The following SLC12A3 variants were observed in gnomAD, a reference collection of about 807,000 sequenced individuals.
SLC12A3 encodes solute carrier family 12 member 3.
Under a neutral mutation model 121.0 loss-of-function variants are expected in SLC12A3, and 104 were observed. The ratio of observed to expected loss-of-function variants is 0.86; its 90% CI spans 0.73 to 1.01. SLC12A3 has a LOEUF of 1.01. SLC12A3 is among the 50% of genes least tolerant of loss of function. The probability of loss-of-function intolerance (pLI) is 0.00; values close to 1 mark genes in which losing one functional copy is unlikely to be tolerated. For synonymous variants in SLC12A3, 536 were observed against 533.4 expected (o/e 1.00, Z -0.07); for missense variants, 1,328 against 1,356.3 (o/e 0.98, Z 0.33).
At chr16:56,870,002 C>T in intron 4 of SLC12A3, 94 bp from the exon 5 acceptor site, 7 of 1,527,982 alleles carry the variant, frequency 4.6e-6, no homozygotes, top group Non-Finnish European at 6.3e-6. Flanking sequence ...CCCCGTGGGT[C>T]CTGTGGCCAC....
intron 22 of SLC12A3, among the ~76,000 whole-genome samples, chr16:56,897,868 T>C (rs959684008): frequency 1.6e-4 from 25 of 152,340 alleles, no homozygotes; most frequent in African/African-American, 6.0e-4. Flanking sequence ...CCTGCCAGCC[T>C]CCGCTGCTAC....
chr16:56,873,370 CTTTCTTTT>C (rs1567429392), intron 8 of SLC12A3, among the ~76,000 whole-genome samples: 3 of 96,898 alleles, frequency 3.1e-5, no homozygotes, highest in Non-Finnish European at 4.1e-5. Context: ...GTTTCTCTTT[CTTTCTTTT>C]TTTTTTTTTT....
At chr16:56,880,988 T>TA (rs2144716191) in intron 12 of SLC12A3, among the ~76,000 whole-genome samples, 1 of 152,336 alleles carries the variant, frequency 6.6e-6, no homozygotes, top group Non-Finnish European at 1.5e-5. Context: ...TGTGCACACA[T>TA]ACTCACATGT....
At position 56,872,289 on chromosome 16, in the gene SLC12A3, C is replaced by T. The variant is rs1028132944; in HGVS notation, c.853-62C>T. ...GGGCCCTGGGCAAATCATTTTCTGG[C>T]GGGGCTTCCCAGAGAGGTAGAACAA... On this transcript the variant is annotated intron_variant, in intron 6 of 25. Coordinates refer to ENST00000563236, the MANE Select transcript of SLC12A3 (RefSeq NM_001126108.2). 6.2e-5 allele frequency: 73 copies of T among 1,172,998 alleles called. No homozygotes were observed. In the African/African-American group the frequency reaches 8.7e-4, roughly 14 times the overall value. 72.7% of individuals were successfully genotyped at this position (1,172,998 alleles called of 1,614,324 possible).
chr16:56,900,320 G>A (rs2055520661), intron 23 of SLC12A3, among the ~76,000 whole-genome samples: 1 of 152,126 alleles, frequency 6.6e-6, no homozygotes, highest in Admixed American at 6.6e-5. Context: ...TCCAAGCATG[G>A]CTGCAGGCTG....
At chr16:56,911,731 A>C (rs1160935238) in intron 25 of SLC12A3, among the ~76,000 whole-genome samples, 3 of 152,134 alleles carry the variant, frequency 2.0e-5, no homozygotes, top group African/African-American at 7.2e-5. Flanking sequence ...TTCTCAGAGG[A>C]GGTTGGAGTT....
intron 8 of SLC12A3, among the ~76,000 whole-genome samples, chr16:56,875,136 C>G (rs567120499): frequency 2.6e-5 from 3 of 114,962 alleles, no homozygotes; most frequent in Admixed American, 2.6e-4. Context: ...GGATGAGGCC[C>G]GCGCGCCTGC....
intron 1 of SLC12A3, 109 bp from the exon 2 acceptor site, chr16:56,866,961 G>A (rs1964368674): frequency 6.9e-7 from 1 of 1,457,058 alleles, no homozygotes. Context: ...GGGCTGAGGG[G>A]TCGGGGGGTG....
intron 12 of SLC12A3, among the ~76,000 whole-genome samples, chr16:56,881,947 G>A (rs565064342): frequency 6.6e-5 from 10 of 151,938 alleles, no homozygotes; most frequent in Admixed American, 6.6e-5. Context: ...TACTAGGGAG[G>A]CTGAGGCAGG....
intron 16 of SLC12A3, among the ~76,000 whole-genome samples, chr16:56,886,698 G>C (rs2055316923): frequency 6.6e-6 from 1 of 152,042 alleles, no homozygotes; most frequent in African/African-American, 2.4e-5. Context: ...ACCCCCCATG[G>C]ACCCCATTCT....
At chr16:56,896,934 A>G (rs2055469426) in intron 22 of SLC12A3, among the ~76,000 whole-genome samples, 1 of 152,032 alleles carries the variant, frequency 6.6e-6, no homozygotes, top group Admixed American at 6.6e-5. Flanking sequence ...TCTACTAAAA[A>G]TACAAAAATT....
At chr16:56,884,317 G>A in intron 14 of SLC12A3, 113 bp downstream of exon 14, 3 of 997,406 alleles carry the variant, frequency 3.0e-6, no homozygotes, top group East Asian at 5.0e-5. Context: ...GCTGTCCAGG[G>A]CCCCTCTCTG....
intron 17 of SLC12A3, 121 bp from the exon 18 acceptor site, chr16:56,887,794 ATATATTTTTT>A (rs1160987582): frequency 1.4e-4 from 14 of 102,690 alleles, no homozygotes; most frequent in Admixed American, 6.8e-4. Context: ...ATATATATAT[ATATATTTTTT>A]TTTTTTTTTT....
intron 17 of SLC12A3, 127 bp from the exon 18 acceptor site, chr16:56,887,798 A>ATATATATATTTTT (rs1433682477): frequency 1.5e-5 from 1 of 68,434 alleles, no homozygotes; most frequent in African/African-American, 5.7e-5. Flanking sequence ...ATATATATAT[A>ATATATATATTTTT]TTTTTTTTTT....
chr16:56,869,460 T>G (rs2055058256), intron 3 of SLC12A3, among the ~76,000 whole-genome samples: 2 of 152,160 alleles, frequency 1.3e-5, no homozygotes, highest in African/African-American at 4.8e-5. Context: ...CCTAAGTAGC[T>G]GGGATTACAG....
At chr16:56,898,119 C>T (rs2055490094) in intron 22 of SLC12A3, among the ~76,000 whole-genome samples, 1 of 152,210 alleles carries the variant, frequency 6.6e-6, no homozygotes, top group African/African-American at 2.4e-5. Context: ...TCCAGTGGTC[C>T]CTAACCAGGC....
chr16:56,891,739 G>A (rs1185227463), intron 19 of SLC12A3, among the ~76,000 whole-genome samples: 1 of 152,232 alleles, frequency 6.6e-6, no homozygotes, highest in African/African-American at 2.4e-5. Flanking sequence ...ACGGGTGCAG[G>A]GCGTAGTGGC....
intron 16 of SLC12A3, 97 bp downstream of exon 16, chr16:56,886,572 G>A (rs1025464607): frequency 4.7e-5 from 54 of 1,159,466 alleles, no homozygotes; most frequent in Non-Finnish European, 8.9e-6. Context: ...ATCACCCGAG[G>A]TCAGGAGTTT....
chr16:56,883,665 C>T (rs544715873), intron 13 of SLC12A3, among the ~76,000 whole-genome samples: 1 of 152,318 alleles, frequency 6.6e-6, no homozygotes, highest in East Asian at 1.9e-4. Flanking sequence ...CCTGGAGTTG[C>T]ACCATGAGGC....
Sources: gnomAD v4.1 joint callset for allele counts (sites outside exome capture counted in the v4.1 genomes callset) on GRCh38, gnomAD v4.1.1 for gene constraint, MANE v1.5 for transcripts, NCBI Gene and HGNC (gene_info 2026-07-23, HGNC 2026-07-21) for gene names.